TENM3: variants seen among roughly 807,000 people sequenced by gnomAD.
The protein encoded by TENM3 is teneurin-3.
In TENM3, 63 loss-of-function variants were observed where a neutral mutation model predicts 255.1. That is an observed-to-expected ratio of 0.25 (90% confidence interval 0.20 to 0.30). The LOEUF (loss-of-function observed/expected upper bound fraction) is 0.30. Ranked by LOEUF, TENM3 falls within the 10% of genes least tolerant of loss-of-function variation. The probability of loss-of-function intolerance (pLI) is 1.00; values close to 1 mark genes in which losing one functional copy is unlikely to be tolerated. For missense variants in TENM3, 2,929 were observed against 3,461.1 expected (o/e 0.85, Z 3.86); for synonymous variants, 1,306 against 1,322.3 (o/e 0.99, Z 0.27).
At chr4:182,252,616 G>A (rs894891583) in intron 1 of TENM3, among the ~76,000 whole-genome samples, 19 of 152,044 alleles carry the variant, frequency 1.2e-4, no homozygotes, top group African/African-American at 2.9e-4. Context: ...TCACTGTTAC[G>A]TAGAGGCTTA....
chr4:181,730,906 T>G, the TENM3 span, among the ~76,000 whole-genome samples: 1 of 152,306 alleles, frequency 6.6e-6, no homozygotes. Context: ...TTCTCGTATT[T>G]ATTTGACTGT....
intron 2 of TENM3, among the ~76,000 whole-genome samples, chr4:182,335,401 A>C (rs963694600): frequency 7.4e-6 from 1 of 136,020 alleles, no homozygotes; most frequent in Non-Finnish European, 1.6e-5. Flanking sequence ...AGGCTGAGGC[A>C]GGAGAATGGC....
the TENM3 span, among the ~76,000 whole-genome samples, chr4:182,049,001 G>A: frequency 6.6e-6 from 1 of 152,108 alleles, no homozygotes; most frequent in African/African-American, 2.4e-5. Context: ...GGTACATTTT[G>A]TTGTGATGTT....
chr4:182,140,244 G>A (rs1032726030), upstream of TENM3, among the ~76,000 whole-genome samples: 2 of 152,214 alleles, frequency 1.3e-5, no homozygotes, highest in African/African-American at 4.8e-5. Flanking sequence ...CAGGTGCCTA[G>A]AATTTGGGTT....
At chr4:182,034,217 G>A in the TENM3 span, among the ~76,000 whole-genome samples, 1 of 152,102 alleles carries the variant, frequency 6.6e-6, no homozygotes, top group Admixed American at 6.6e-5. Flanking sequence ...ATCTCTACCT[G>A]GCCCCACCCT....
At chr4:181,636,852 C>A in the TENM3 span, among the ~76,000 whole-genome samples, 82,543 of 151,958 alleles carry the variant, frequency 0.54, 22,689 homozygotes, top group Admixed American at 0.58. Flanking sequence ...CGTCACCCTT[C>A]GATTAAAAAC....
chr4:182,670,381 G>A (rs1002942028), intron 6 of TENM3, among the ~76,000 whole-genome samples: 1 of 152,214 alleles, frequency 6.6e-6, no homozygotes, highest in Non-Finnish European at 1.5e-5. Context: ...GGAAAGAAGA[G>A]AGGAAGGGAG....
At chr4:181,467,187 T>C in the TENM3 span, among the ~76,000 whole-genome samples, 1 of 141,302 alleles carries the variant, frequency 7.1e-6, no homozygotes, top group Non-Finnish European at 1.5e-5. Context: ...TGGAGTACAA[T>C]GGCACGATCT....
At chr4:181,616,055 C>G in the TENM3 span, among the ~76,000 whole-genome samples, 3 of 151,788 alleles carry the variant, frequency 2.0e-5, no homozygotes, top group South Asian at 2.1e-4. Flanking sequence ...GTTTCCCCCC[C>G]ACACTTTGGC....
At chr4:182,688,460 T>C (rs929116248) in intron 12 of TENM3, 109 bp downstream of exon 12, 2 of 871,464 alleles carry the variant, frequency 2.3e-6, no homozygotes, top group Non-Finnish European at 3.2e-6. Context: ...ATTTTTTACT[T>C]GTCTTTCTTA....
At chr4:181,521,537 A>ATTC in the TENM3 span, among the ~76,000 whole-genome samples, 1 of 152,236 alleles carries the variant, frequency 6.6e-6, no homozygotes, top group Non-Finnish European at 1.5e-5. Flanking sequence ...CCTCTACTGA[A>ATTC]GGATATAGAC....
the TENM3 span, among the ~76,000 whole-genome samples, chr4:181,966,018 A>G: frequency 7.2e-5 from 11 of 152,206 alleles, no homozygotes; most frequent in East Asian, 3.8e-4. Flanking sequence ...ATGACAAAAT[A>G]GTGACTTTTA....
At chr4:182,069,852 C>G in the TENM3 span, among the ~76,000 whole-genome samples, 4 of 152,066 alleles carry the variant, frequency 2.6e-5, no homozygotes, top group African/African-American at 4.8e-5. Flanking sequence ...GTTTCTGTCC[C>G]CTCTTCTTCA....
At chr4:182,401,407 A>G (rs1171183740) in intron 3 of TENM3, among the ~76,000 whole-genome samples, 1 of 152,222 alleles carries the variant, frequency 6.6e-6, no homozygotes, top group East Asian at 1.9e-4. Context: ...GAGAACTTAA[A>G]AGTTGAAATT....
chr4:182,659,922 T>C (rs1754081557), intron 6 of TENM3, among the ~76,000 whole-genome samples: 1 of 152,190 alleles, frequency 6.6e-6, no homozygotes, highest in South Asian at 2.1e-4. Context: ...CCTCACCACC[T>C]GATGTGGTGT....
the TENM3 span, among the ~76,000 whole-genome samples, chr4:181,809,928 GGC>G: frequency 1.3e-5 from 2 of 152,088 alleles, no homozygotes; most frequent in Non-Finnish European, 2.9e-5. Flanking sequence ...TAGCCTCACT[GGC>G]ACCTTCTTTT....
chr4:181,937,797 G>T, the TENM3 span, among the ~76,000 whole-genome samples: 1 of 152,174 alleles, frequency 6.6e-6, no homozygotes, highest in African/African-American at 2.4e-5. Context: ...TCTTGAACCT[G>T]GCTGCTCAGT....
chr4:181,457,892 T>C, the TENM3 span, among the ~76,000 whole-genome samples: 87 of 152,104 alleles, frequency 5.7e-4, no homozygotes, highest in African/African-American at 1.9e-3. Context: ...TGACTCACTA[T>C]GTGAAATAGG....
At chr4:182,611,343 A>G (rs1748984447) in intron 4 of TENM3, among the ~76,000 whole-genome samples, 1 of 151,740 alleles carries the variant, frequency 6.6e-6, no homozygotes, top group South Asian at 2.1e-4. Context: ...AATTTTACAG[A>G]ATTTTATTTT....
Sources: gnomAD v4.1 joint callset for allele counts (sites outside exome capture counted in the v4.1 genomes callset) on GRCh38, gnomAD v4.1.1 for gene constraint, MANE v1.5 for transcripts, NCBI Gene and HGNC (gene_info 2026-07-23, HGNC 2026-07-21) for gene names.